The following MPHOSPH6 variants were observed in gnomAD, a reference collection of about 807,000 sequenced individuals.
The protein encoded by MPHOSPH6 is M-phase phosphoprotein 6.
A neutral mutation model predicts 21.8 loss-of-function variants in MPHOSPH6; 25 were observed. That is an observed-to-expected ratio of 1.15 (90% CI 0.83 to 1.60). The LOEUF is 1.60. Among genes scored for constraint, MPHOSPH6 ranks in the 40% most tolerant of loss-of-function variants. MPHOSPH6 has a pLI of 0.00. For synonymous variants in MPHOSPH6, 84 were observed against 56.5 expected (o/e 1.49, Z -2.18); for missense variants, 269 against 181.8 (o/e 1.48, Z -2.76).
At chr16:82,151,338 C>G in intron 3 of MPHOSPH6, 86 bp downstream of exon 3, 1 of 1,544,970 alleles carries the variant, frequency 6.5e-7, no homozygotes, top group Non-Finnish European at 8.8e-7. Context: ...GAAATGGTAC[C>G]TGGTGGAGAA....
intron 2 of MPHOSPH6, among the ~76,000 whole-genome samples, chr16:82,161,337 G>C (rs113044014): frequency 2.5e-3 from 387 of 152,288 alleles, no homozygotes; most frequent in African/African-American, 8.9e-3. Flanking sequence ...AAGTGTGGCA[G>C]GCTAACTTGT....
At chr16:82,153,257 A>G (rs555003757) in intron 2 of MPHOSPH6, among the ~76,000 whole-genome samples, 1 of 152,378 alleles carries the variant, frequency 6.6e-6, no homozygotes, top group African/African-American at 2.4e-5. Context: ...AGGTTATTCC[A>G]TCCCTAGCTG....
chr16:82,163,291 G>A (rs8044578), intron 2 of MPHOSPH6, among the ~76,000 whole-genome samples: 14,226 of 152,258 alleles, frequency 0.093, 1,800 homozygotes, highest in African/African-American at 0.29. Context: ...ATACAACAGA[G>A]CTTACTAAGG....
At chr16:82,166,999 T>C (rs62045962) in intron 1 of MPHOSPH6, among the ~76,000 whole-genome samples, 99,169 of 152,134 alleles carry the variant, frequency 0.65, 34,436 homozygotes, top group East Asian at 0.78. Context: ...GGCATCAGCA[T>C]AATACAGTCC....
chr16:82,154,623 A>C (rs1906372139), intron 2 of MPHOSPH6, among the ~76,000 whole-genome samples: 1 of 152,144 alleles, frequency 6.6e-6, no homozygotes, highest in Non-Finnish European at 1.5e-5. Context: ...ACTGCAAAAA[A>C]ACACCAATAG....
intron 3 of MPHOSPH6, 81 bp from the exon 4 acceptor site, chr16:82,149,484 G>T: frequency 8.5e-7 from 1 of 1,180,600 alleles, no homozygotes; most frequent in Non-Finnish European, 1.3e-6. Context: ...TGAAGGCAGA[G>T]AAACTGAAGT....
rs773834930 is a variant in MPHOSPH6 at position 82,149,360 on chromosome 16, ACTT to A, written c.296_298del (p.Glu99del). 5.6e-6 allele frequency: 9 copies of A among 1,612,998 alleles called. No individual in the cohort carries two copies. Among genetic ancestry groups the A allele is most frequent in the East Asian group, 4.5e-5 (2 of 44,894 alleles). ...ATCAAGCTCTACTGTTTCATCTTCA[ACTT>A]CTTCTGCTTTGTGCTTAGCATTCAT... is the stretch of plus-strand genomic sequence containing the variant. On this transcript the variant is annotated inframe_deletion, in exon 4 of 5. Transcript: ENST00000258169.
intron 2 of MPHOSPH6, among the ~76,000 whole-genome samples, 199 bp from the exon 3 acceptor site, chr16:82,151,713 C>G (rs1408202427): frequency 3.9e-5 from 6 of 152,198 alleles, no homozygotes; most frequent in Non-Finnish European, 8.8e-5. Context: ...GAGCAGCAAG[C>G]TAGAGGCACA....
At chr16:82,163,066 C>A (rs1017123581) in intron 2 of MPHOSPH6, among the ~76,000 whole-genome samples, 1 of 152,198 alleles carries the variant, frequency 6.6e-6, no homozygotes, top group African/African-American at 2.4e-5. Flanking sequence ...AAAAAAAGTA[C>A]CTTCTCCCGA....
intron 2 of MPHOSPH6, among the ~76,000 whole-genome samples, chr16:82,158,777 G>C (rs1279034586): frequency 6.6e-6 from 1 of 152,094 alleles, no homozygotes; most frequent in Non-Finnish European, 1.5e-5. Context: ...CTGTCATCTT[G>C]GGCTTGATAG....
At chr16:82,165,216 C>T (rs1386859182) in intron 1 of MPHOSPH6, among the ~76,000 whole-genome samples, 1 of 147,138 alleles carries the variant, frequency 6.8e-6, no homozygotes, top group Non-Finnish European at 1.5e-5. Flanking sequence ...CAACCTCTGC[C>T]TCCTAGGTTC....
chr16:82,165,259 C>T (rs1906736089), intron 1 of MPHOSPH6, among the ~76,000 whole-genome samples: 1 of 151,354 alleles, frequency 6.6e-6, no homozygotes, highest in African/African-American at 2.4e-5. Context: ...TCTCGAGTAG[C>T]TGAGATTACG....
chr16:82,161,210 C>G (rs1242326811), intron 2 of MPHOSPH6, among the ~76,000 whole-genome samples: 1 of 152,196 alleles, frequency 6.6e-6, no homozygotes, highest in Non-Finnish European at 1.5e-5. Flanking sequence ...CTTTGTTAAT[C>G]TGTCTTTTGT....
At chr16:82,158,350 T>C (rs1242519847) in intron 2 of MPHOSPH6, among the ~76,000 whole-genome samples, 1 of 141,944 alleles carries the variant, frequency 7.0e-6, no homozygotes, top group Non-Finnish European at 1.5e-5. Flanking sequence ...AAAAAAAAAA[T>C]TGGCTGGGCA....
intron 2 of MPHOSPH6, among the ~76,000 whole-genome samples, chr16:82,161,009 T>C (rs1214785265): frequency 1.3e-5 from 2 of 152,116 alleles, no homozygotes; most frequent in Non-Finnish European, 2.9e-5. Flanking sequence ...ACAAAAGACT[T>C]GCTAAGTTTC....
At chr16:82,158,825 C>A (rs1260284597) in intron 2 of MPHOSPH6, among the ~76,000 whole-genome samples, 1 of 152,152 alleles carries the variant, frequency 6.6e-6, no homozygotes, top group African/African-American at 2.4e-5. Context: ...TTGAAACCCA[C>A]GGTGATACTA....
intron 1 of MPHOSPH6, among the ~76,000 whole-genome samples, chr16:82,169,816 G>A (rs144948540): frequency 0.012 from 1,765 of 152,260 alleles, 39 homozygotes; most frequent in African/African-American, 0.041. Flanking sequence ...AACTTCTCGA[G>A]AAGCTCGGTG....
At chr16:82,155,298 T>C (rs1906394087) in intron 2 of MPHOSPH6, among the ~76,000 whole-genome samples, 1 of 152,232 alleles carries the variant, frequency 6.6e-6, no homozygotes, top group South Asian at 2.1e-4. Flanking sequence ...ACTCTTGTCG[T>C]TTCTATTCAA....
intron 2 of MPHOSPH6, among the ~76,000 whole-genome samples, chr16:82,159,486 C>A (rs1906538497): frequency 6.6e-6 from 1 of 151,990 alleles, no homozygotes; most frequent in East Asian, 1.9e-4. Context: ...CTCAATGCAA[C>A]CTCCGCCTCC....
Sources: allele counts gnomAD v4.1 joint callset (sites outside exome capture counted in the v4.1 genomes callset), GRCh38; gene constraint gnomAD v4.1.1; transcripts MANE v1.5; gene names NCBI Gene and HGNC (gene_info 2026-07-23, HGNC 2026-07-21).